KDM4C: variants seen among roughly 807,000 people sequenced by gnomAD.
KDM4C encodes lysine-specific demethylase 4C.
Under a neutral mutation model 129.3 loss-of-function variants are expected in KDM4C, and 81 were observed. The observed-to-expected ratio is 0.63, with a 90% CI of 0.52 to 0.75. The LOEUF (loss-of-function observed/expected upper bound fraction) is 0.75, where lower values mean the gene tolerates loss of function less well. Among genes scored for constraint, KDM4C ranks in the 30% least tolerant of loss-of-function variants. The pLI is 0.00. For synonymous variants in KDM4C, 573 were observed against 456.1 expected (o/e 1.26, Z -3.26); for missense variants, 1,457 against 1,304.0 (o/e 1.12, Z -1.81).
chr9:7,140,797 C>T (rs929349629), intron 19 of KDM4C, among the ~76,000 whole-genome samples: 7 of 152,156 alleles, frequency 4.6e-5, no homozygotes, highest in African/African-American at 1.7e-4. Context: ...GAGAGAGTGA[C>T]ATACGCAGCA....
chr9:7,156,568 T>C (rs955645425), intron 19 of KDM4C, among the ~76,000 whole-genome samples: 1 of 152,232 alleles, frequency 6.6e-6, no homozygotes, highest in African/African-American at 2.4e-5. Context: ...GCTTTCTACA[T>C]ATGGCTAGCC....
chr9:7,121,488 C>T (rs868761883), intron 18 of KDM4C, among the ~76,000 whole-genome samples: 7 of 152,244 alleles, frequency 4.6e-5, no homozygotes, highest in Middle Eastern at 3.4e-3. Flanking sequence ...CAGTCTAGGC[C>T]AGATTCAAAG....
intron 6 of KDM4C, among the ~76,000 whole-genome samples, chr9:6,886,193 C>G (rs1046932579): frequency 2.6e-5 from 4 of 152,280 alleles, no homozygotes; most frequent in Middle Eastern, 3.4e-3. Context: ...TACTTTCCCT[C>G]CACTCACCAG....
At chr9:7,118,048 C>G (rs1037732040) in intron 18 of KDM4C, among the ~76,000 whole-genome samples, 7 of 152,194 alleles carry the variant, frequency 4.6e-5, no homozygotes, top group South Asian at 2.1e-4. Context: ...AGATGGTTCT[C>G]TCTTCCCAGT....
At chr9:7,073,678 A>G (rs1833520721) in intron 17 of KDM4C, among the ~76,000 whole-genome samples, 1 of 152,216 alleles carries the variant, frequency 6.6e-6, no homozygotes, top group African/African-American at 2.4e-5. Context: ...TATCTGCATT[A>G]TTTCAGCCCT....
chr9:7,127,958 T>A (rs1184141865), intron 18 of KDM4C, 108 bp from the exon 19 acceptor site: 3 of 1,066,570 alleles, frequency 2.8e-6, no homozygotes, highest in Non-Finnish European at 3.7e-6. Context: ...TTTTTTTAAA[T>A]CTTGGCCAAA....
At chr9:7,040,579 G>A (rs578181089) in intron 15 of KDM4C, among the ~76,000 whole-genome samples, 3 of 151,912 alleles carry the variant, frequency 2.0e-5, no homozygotes, top group South Asian at 4.2e-4. Context: ...TGGATCTCCT[G>A]GGGACAAATT....
chr9:6,852,768 T>C (rs557343850), intron 5 of KDM4C, among the ~76,000 whole-genome samples: 3 of 152,154 alleles, frequency 2.0e-5, no homozygotes, highest in Non-Finnish European at 4.4e-5. Context: ...AGGCTCTGGA[T>C]GGGATTATTG....
intron 6 of KDM4C, among the ~76,000 whole-genome samples, chr9:6,885,186 C>T (rs1845069585): frequency 6.6e-6 from 1 of 152,220 alleles, no homozygotes; most frequent in Non-Finnish European, 1.5e-5. Context: ...CTTAACCACT[C>T]TCCCCTTCCC....
chr9:7,132,826 G>A (rs1535625), intron 19 of KDM4C, among the ~76,000 whole-genome samples: 118,716 of 152,118 alleles, frequency 0.78, 46,685 homozygotes, highest in East Asian at 0.83. Flanking sequence ...AGAATGGTAC[G>A]GTGGACACTT....
intron 15 of KDM4C, among the ~76,000 whole-genome samples, chr9:7,035,757 G>A (rs1417320822): frequency 2.0e-5 from 3 of 152,078 alleles, no homozygotes; most frequent in African/African-American, 2.4e-5. Flanking sequence ...ATTCCCTAAC[G>A]AGTGTTCATG....
At chr9:6,829,834 C>T (rs1564109334) in intron 4 of KDM4C, among the ~76,000 whole-genome samples, 1 of 152,158 alleles carries the variant, frequency 6.6e-6, no homozygotes, top group Non-Finnish European at 1.5e-5. Flanking sequence ...AAGCCCAGTT[C>T]CTGCTTTGGG....
intron 2 of KDM4C, among the ~76,000 whole-genome samples, chr9:6,797,522 G>T (rs1364923962): frequency 1.3e-5 from 2 of 152,172 alleles, no homozygotes; most frequent in African/African-American, 4.8e-5. Flanking sequence ...GAAAAGAGTG[G>T]CAGTCTCTTC....
intron 17 of KDM4C, among the ~76,000 whole-genome samples, chr9:7,097,290 G>C (rs934511624): frequency 1.3e-5 from 2 of 152,220 alleles, no homozygotes; most frequent in African/African-American, 4.8e-5. Context: ...ATCTGGTGCT[G>C]ACGCACTGCA....
At chr9:7,069,681 G>A (rs941160732) in intron 17 of KDM4C, among the ~76,000 whole-genome samples, 2 of 152,156 alleles carry the variant, frequency 1.3e-5, no homozygotes, top group African/African-American at 4.8e-5. Flanking sequence ...TACAACAGGT[G>A]TATATAGTTT....
chr9:7,089,711 G>C (rs532902895), intron 17 of KDM4C, among the ~76,000 whole-genome samples: 1 of 152,220 alleles, frequency 6.6e-6, no homozygotes, highest in East Asian at 1.9e-4. Context: ...AATTTTCCTT[G>C]CTTAAAAAAA....
chr9:7,143,687 A>C (rs1034228862), intron 19 of KDM4C, among the ~76,000 whole-genome samples: 26 of 152,210 alleles, frequency 1.7e-4, no homozygotes, highest in African/African-American at 6.3e-4. Flanking sequence ...GAATATTTTG[A>C]TTTGACAGGT....
chr9:7,152,476 C>T (rs889178951), intron 19 of KDM4C, among the ~76,000 whole-genome samples: 1 of 152,190 alleles, frequency 6.6e-6, no homozygotes, highest in Non-Finnish European at 1.5e-5. Flanking sequence ...ATTTCGCTTA[C>T]ATGAGGTACC....
intron 15 of KDM4C, among the ~76,000 whole-genome samples, chr9:7,025,102 A>G (rs1256970792): frequency 6.6e-6 from 1 of 152,114 alleles, no homozygotes; most frequent in Admixed American, 6.5e-5. Context: ...CCTCTTTATT[A>G]TTATATAGTG....
Sources: allele counts gnomAD v4.1 joint callset (sites outside exome capture counted in the v4.1 genomes callset), GRCh38; gene constraint gnomAD v4.1.1; transcripts MANE v1.5; gene names NCBI Gene and HGNC (gene_info 2026-07-23, HGNC 2026-07-21).